Variants in RIPOR3 observed in about 807,000 individuals in gnomAD.
The protein encoded by RIPOR3 is RIPOR family member 3, also known as family with sequence similarity 65 member C.
A neutral mutation model predicts 114.3 loss-of-function variants in RIPOR3; 95 were observed. That is an observed-to-expected ratio of 0.83 (90% CI 0.70 to 0.99). RIPOR3 has a LOEUF of 0.99. Ranked by LOEUF, RIPOR3 falls within the 50% of genes least tolerant of loss-of-function variation. The pLI is 0.00. For missense variants in RIPOR3, 1,252 were observed against 1,266.9 expected (o/e 0.99, Z 0.18); for synonymous variants, 575 against 543.8 (o/e 1.06, Z -0.80).
chr20:50,611,151 G>C (rs372622466), intron 5 of RIPOR3, 30 bp downstream of exon 5: 1 of 1,614,050 alleles, frequency 6.2e-7, no homozygotes, highest in Non-Finnish European at 8.5e-7. Context: ...GCCAGGCCCA[G>C]CCCACCTCAC....
chr20:50,586,150 C>T lies in RIPOR3; in HGVS notation c.*1082G>A, dbSNP rs1430593089. 1.3e-5 allele frequency: 2 copies of T among 159,446 alleles called. No homozygotes were observed. Among genetic ancestry groups the T allele is most frequent in the African/African-American group, 4.8e-5 (2 of 41,602 alleles). The allele number at this position is 159,446 out of a possible 1,614,324, so 9.9% of individuals were successfully genotyped here. On this transcript the variant is annotated 3_prime_UTR_variant, in exon 22 of 22. Coordinates refer to ENST00000327979, the MANE Select transcript of RIPOR3 (RefSeq NM_001290268.2). ...AACACCAATAGTTTAATTGAAATTT[C>T]AGAAAATTGAACATATGAACAAGGC... is the stretch of plus-strand genomic sequence containing the variant.
chr20:50,628,966 C>T (rs1234021248), intron 2 of RIPOR3, among the ~76,000 whole-genome samples: 2 of 152,200 alleles, frequency 1.3e-5, no homozygotes, highest in Non-Finnish European at 2.9e-5. Flanking sequence ...GGAGCACACA[C>T]AGGAGGGACC....
At chr20:50,598,085 C>T (rs150040017) in intron 13 of RIPOR3, among the ~76,000 whole-genome samples, 5 of 152,324 alleles carry the variant, frequency 3.3e-5, no homozygotes, top group East Asian at 3.9e-4. Flanking sequence ...GCTCATAGAT[C>T]GCCCAGTTCT....
chr20:50,610,745 C>G, intron 6 of RIPOR3, 108 bp downstream of exon 6: 1 of 1,455,266 alleles, frequency 6.9e-7, no homozygotes, highest in African/African-American at 1.4e-5. Flanking sequence ...TACCCAGAGG[C>G]CCTGATCCCT....
intron 11 of RIPOR3, among the ~76,000 whole-genome samples, chr20:50,607,920 G>A (rs180783420): frequency 6.6e-6 from 1 of 152,204 alleles, no homozygotes; most frequent in East Asian, 1.9e-4. Flanking sequence ...AGCCCTCCAC[G>A]CTCATGGGCA....
intron 1 of RIPOR3, among the ~76,000 whole-genome samples, chr20:50,657,414 C>T (rs1448296554): frequency 6.6e-6 from 1 of 152,154 alleles, no homozygotes; most frequent in Non-Finnish European, 1.5e-5. Flanking sequence ...GTAATCCCAG[C>T]TACTTGGGAG....
chr20:50,602,420 A>G lies in RIPOR3; in HGVS notation c.1311T>C (p.Gly437=), dbSNP rs1357034305. ...SDVGFLPLTF[G]PHASIEEEAR... ...CCTCCTCTTCAATGGAGGCGTGGGG[A>G]CCGAAGGTCAAGGGCAGGAAGCCCA... Residue 437 remains glycine (G), a synonymous_variant, in exon 13 of 22, where the codon GGT becomes GGC. Transcript: ENST00000327979. This position sits in a 1 kb window ranked among gnomAD's most constrained non-coding sequence, Gnocchi z 4.3. 1 of 1,600,452 alleles carries G rather than the reference A, an allele frequency of 6.2e-7. No individual in the cohort carries two copies.
At chr20:50,608,568 C>T (rs373429305) in intron 10 of RIPOR3, 34 bp from the exon 11 acceptor site, 41 of 1,613,518 alleles carry the variant, frequency 2.5e-5, no homozygotes, top group African/African-American at 2.4e-4. Flanking sequence ...GTGTCTGAGC[C>T]GAACACCCAG....
intron 1 of RIPOR3, among the ~76,000 whole-genome samples, chr20:50,673,095 G>A (rs982451020): frequency 3.9e-5 from 6 of 152,062 alleles, no homozygotes; most frequent in Admixed American, 2.6e-4. Context: ...CCTACCTGCT[G>A]TGCAGAGGGC....
intron 4 of RIPOR3, among the ~76,000 whole-genome samples, chr20:50,611,884 G>A (rs1335571792): frequency 1.3e-5 from 2 of 152,192 alleles, no homozygotes; most frequent in Non-Finnish European, 2.9e-5. Context: ...AGCACTTTGG[G>A]AGGCTGAGGT....
At chr20:50,609,032 TC>T in intron 8 of RIPOR3, 77 bp from the exon 9 acceptor site, 1 of 1,534,382 alleles carries the variant, frequency 6.5e-7, no homozygotes, top group Non-Finnish European at 8.8e-7. Flanking sequence ...TCTCTGGGGT[TC>T]CCCCGAGTAT....
At chr20:50,683,793 G>T (rs1004209956) in intron 1 of RIPOR3, among the ~76,000 whole-genome samples, 2 of 151,782 alleles carry the variant, frequency 1.3e-5, no homozygotes, top group African/African-American at 4.8e-5. Context: ...TAAAATTCTA[G>T]AGGAGGCCGG....
rs1379822759 is a variant in RIPOR3, at chr20:50,594,423, C to T, written c.2212+130G>A. On this transcript the variant is annotated intron_variant, in intron 17 of 21. Transcript: ENST00000327979. ...CGCACTGAAGCTGAGAAAGCTCCTC[C>T]GTCCGATGGCATGAAGACACAGAGG... 1.2e-5 allele frequency: 14 copies of T among 1,133,654 alleles called. No homozygotes were observed. In the Admixed American group the frequency reaches 1.4e-4, roughly 12 times the overall value. 70.2% of individuals were successfully genotyped at this position (1,133,654 alleles called of 1,614,324 possible).
chr20:50,659,950 CACTG>C (rs1444366135), intron 1 of RIPOR3: 5 of 152,352 alleles, frequency 3.3e-5, no homozygotes, highest in African/African-American at 1.2e-4. Flanking sequence ...ACCATTCACT[CACTG>C]GCCACGAACA....
At chr20:50,614,114 C>T (rs2084075332) in intron 4 of RIPOR3, among the ~76,000 whole-genome samples, 1 of 152,240 alleles carries the variant, frequency 6.6e-6, no homozygotes, top group Admixed American at 6.5e-5. Context: ...CACCTCACTG[C>T]ATCCTCCGCC....
chr20:50,676,811 C>CCAGGCTGGTTTCAGACT (rs1555876202), intron 1 of RIPOR3, among the ~76,000 whole-genome samples: 1 of 137,394 alleles, frequency 7.3e-6, no homozygotes, highest in Non-Finnish European at 1.5e-5. Context: ...TTGCTTATAC[C>CCAGGCTGGTTTCAGACT]CAGGCTGGTT....
intron 1 of RIPOR3, among the ~76,000 whole-genome samples, chr20:50,666,226 T>TCTTTTCTTTTCTCTTCTCCTC (rs1555873214): frequency 7.2e-6 from 1 of 139,730 alleles, no homozygotes; most frequent in Non-Finnish European, 1.5e-5. Context: ...TCTTTTCTTT[T>TCTTTTCTTTTCTCTTCTCCTC]TTGAGACGGA....
chr20:50,652,764 G>T (rs186050634), intron 1 of RIPOR3, among the ~76,000 whole-genome samples: 1 of 152,124 alleles, frequency 6.6e-6, no homozygotes, highest in African/African-American at 2.4e-5. Context: ...ACACGAGGGC[G>T]GTCGTCATCC....
intron 17 of RIPOR3, 146 bp downstream of exon 17, chr20:50,594,407 G>T: frequency 1.0e-6 from 1 of 979,246 alleles, no homozygotes; most frequent in Non-Finnish European, 1.5e-6. Flanking sequence ...TCGCACTGAA[G>T]CTGAGAAAGC....
Sources: allele counts gnomAD v4.1 joint callset (sites outside exome capture counted in the v4.1 genomes callset), GRCh38; gene constraint gnomAD v4.1.1; non-coding constraint Gnocchi (gnomAD v3.1); transcripts MANE v1.5; gene names NCBI Gene and HGNC (gene_info 2026-07-23, HGNC 2026-07-21).